Variants in SLC22A9 observed in about 807,000 individuals in gnomAD.
The protein encoded by SLC22A9 is organic anion transporter 7.
Under a neutral mutation model 50.1 loss-of-function variants are expected in SLC22A9, and 64 were observed. The ratio of observed to expected loss-of-function variants is 1.28; its 90% CI spans 1.04 to 1.57. The LOEUF (loss-of-function observed/expected upper bound fraction) is 1.57. Ranked by LOEUF, SLC22A9 falls within the 40% of genes most tolerant of loss-of-function variation. The probability of loss-of-function intolerance (pLI) is 0.00; values close to 1 mark genes in which losing one functional copy is unlikely to be tolerated. For missense variants in SLC22A9, 757 were observed against 676.1 expected (o/e 1.12, Z -1.33); for synonymous variants, 261 against 242.5 (o/e 1.08, Z -0.71).
chr11:63,404,426 T>C (rs115800875), intron 6 of SLC22A9, among the ~76,000 whole-genome samples: 29 of 152,280 alleles, frequency 1.9e-4, no homozygotes, highest in African/African-American at 7.0e-4. Context: ...TACTGTACTG[T>C]ATCTAAAAAT....
chr11:63,388,371 T>C (rs1305252018), intron 6 of SLC22A9, among the ~76,000 whole-genome samples: 4 of 152,000 alleles, frequency 2.6e-5, no homozygotes, highest in African/African-American at 9.7e-5. Context: ...AGGTTTTTTT[T>C]TTTTATCAGA....
Position 63,382,209 on chromosome 11 carries a change from A to C in SLC22A9, c.1005A>C (p.Lys335Asn), listed in dbSNP as rs763235136. The C allele has an allele frequency of 1.9e-5, 31 of 1,609,310 alleles. No individual in the cohort carries two copies. The African/African-American group carries it at 3.8e-4, about 20-fold the overall frequency. ...AACTGGAGGCAGCACAAAAAAAAAAACCTTCTCTGTGTGAAATGCTCCACA... is the reference window on the plus strand; with the variant it reads ...AACTGGAGGCAGCACAAAAAAAAAACCCTTCTCTGTGTGAAATGCTCCACA... ...KKELEAAQKK[K>N]PSLCEMLHMP... Residue 335 changes from lysine (K) to asparagine (N), a missense_variant, in exon 6 of 10, where the codon AAA becomes AAC. Transcript: ENST00000279178.
Sources: allele counts gnomAD v4.1 joint callset (sites outside exome capture counted in the v4.1 genomes callset), GRCh38; gene constraint gnomAD v4.1.1; transcripts MANE v1.5; gene names NCBI Gene and HGNC (gene_info 2026-07-23, HGNC 2026-07-21).